Variants in FECH observed in about 807,000 individuals in gnomAD.
FECH encodes the protein ferrochelatase, mitochondrial.
A neutral mutation model predicts 56.9 loss-of-function variants in FECH; 40 were observed. That is an observed-to-expected ratio of 0.70 (90% CI 0.55 to 0.92). FECH has a LOEUF of 0.92. Ranked by LOEUF, FECH falls within the 40% of genes least tolerant of loss-of-function variation. The pLI is 0.00. For missense variants in FECH, 431 were observed against 529.1 expected, an observed-to-expected ratio of 0.81 and a Z score of 1.82; for synonymous variants, 175 against 198.6, an observed-to-expected ratio of 0.88 and a Z score of 1.00.
rs1311830015 is a variant in FECH, at chr18:57,549,819, A to G, written c.*893T>C. The G allele has an allele frequency of 6.6e-6, 1 of 152,214 alleles. No individual in the cohort carries two copies. Among genetic ancestry groups the G allele is most frequent in the Non-Finnish European group, 1.5e-5 (1 of 68,030 alleles). 9.4% of individuals were successfully genotyped at this position (152,214 alleles called of 1,614,324 possible). A position where few individuals can be genotyped will look rare whatever the true frequency, so the allele number is the denominator to read the frequency against. On this transcript the variant is annotated 3_prime_UTR_variant, in exon 11 of 11. Transcript: ENST00000262093. The stretch of plus-strand genomic sequence containing the variant: ...CAAGCAAAGTATTGTTGACTTTATA[A>G]AATAATTCTTAAAACAAATGTTCAG...
intron 7 of FECH, among the ~76,000 whole-genome samples, chr18:57,556,582 A>G (rs2050870076): frequency 6.6e-6 from 1 of 152,108 alleles, no homozygotes; most frequent in African/African-American, 2.4e-5. Flanking sequence ...GACGCACCAG[A>G]AAACAACTGA....
Position 57,546,261 on chromosome 18 carries a change from C to T in FECH, c.*4451G>A, listed in dbSNP as rs922778937. On this transcript the variant is annotated 3_prime_UTR_variant, in exon 11 of 11. Coordinates refer to ENST00000262093, the MANE Select transcript of FECH (RefSeq NM_000140.5). ...ATGCACCTGTGCCTTCACGTGCCCC[C>T]GTGCGCACACATAGACGTTCGCTTA... is the stretch of plus-strand genomic sequence containing the variant. Among the ~76,000 whole-genome samples, 6 of 152,176 alleles carry T rather than the reference C, an allele frequency of 3.9e-5. No individual in the cohort carries two copies. Among genetic ancestry groups the T allele is most frequent in the Non-Finnish European group, 5.9e-5 (4 of 68,036 alleles).
rs1278563735 is a variant in FECH, at chr18:57,566,438, T to C, written c.598+9A>G. 1.2e-6 allele frequency: 2 copies of C among 1,614,070 alleles called. No homozygotes were observed. Among genetic ancestry groups the C allele is most frequent in the Admixed American group, 1.7e-5 (1 of 60,006 alleles). On this transcript the variant is annotated intron_variant, in intron 5 of 10. Transcript: ENST00000262093. The stretch of plus-strand genomic sequence containing the variant: ...ATCTACCTTTCCACTGTCAGAGAGA[T>C]GCCCTTACCTGTGGTGGAGCAGCTG...
chr18:57,569,230 T>G (rs555795847), intron 4 of FECH, among the ~76,000 whole-genome samples: 1 of 152,238 alleles, frequency 6.6e-6, no homozygotes, highest in Non-Finnish European at 1.5e-5. Flanking sequence ...TATTTCTGTA[T>G]CTATTCTCTA....
At chr18:57,584,004 C>A (rs1489342787) in intron 1 of FECH, among the ~76,000 whole-genome samples, 1 of 151,976 alleles carries the variant, frequency 6.6e-6, no homozygotes, top group Admixed American at 6.6e-5. Context: ...CACAGTGAAA[C>A]CCATCTCTAC....
intron 1 of FECH, among the ~76,000 whole-genome samples, chr18:57,580,461 G>A (rs983824668): frequency 1.3e-5 from 2 of 151,950 alleles, no homozygotes; most frequent in Non-Finnish European, 2.9e-5. Context: ...TCCCCACCTC[G>A]GCTGCAGATT....
chr18:57,550,379 A>G lies in FECH; in HGVS notation c.*333T>C. On this transcript the variant is annotated 3_prime_UTR_variant, in exon 11 of 11. Transcript: ENST00000262093. ...AGGGGACTCTCCGTACCCTTTCAGG[A>G]GGGTTTTGGGCAATAAAGCCAAAAT... 3.3e-6 allele frequency: 1 copy of G among 306,892 alleles called. No individual in the cohort carries two copies. The highest frequency in any genetic ancestry group is 3.5e-5 in the South Asian group (1 of 28,706). The allele number at this position is 306,892 out of a possible 1,614,324, so 19.0% of individuals were successfully genotyped here.
intron 4 of FECH, among the ~76,000 whole-genome samples, chr18:57,570,032 CGTGTGTGTGTGTGTGTGTGT>C (rs10608112): frequency 2.4e-5 from 3 of 122,764 alleles, no homozygotes; most frequent in Non-Finnish European, 3.6e-5. Flanking sequence ...TTGTTGTTGT[CGTGTGTGTGTGTGTGTGTGT>C]GTGTGTGTGT....
At position 57,546,885 on chromosome 18, in the gene FECH, A is replaced by C. The variant is rs1431113170; in HGVS notation, c.*3827T>G. Among the ~76,000 whole-genome samples the C allele has an allele frequency of 6.6e-6, 1 of 151,680 alleles. No individual in the cohort carries two copies. Among genetic ancestry groups the C allele is most frequent in the Non-Finnish European group, 1.5e-5 (1 of 67,936 alleles). On this transcript the variant is annotated 3_prime_UTR_variant, in exon 11 of 11. Coordinates refer to ENST00000262093, the MANE Select transcript of FECH (RefSeq NM_000140.5). ...TGAGGCAGGATGATCCTTTGAACCC[A>C]AGAGGCGGAGGTTGCAGTGAGCCGA...
Position 57,548,116 on chromosome 18 carries a change from G to C in FECH, c.*2596C>G, listed in dbSNP as rs577143275. Reference sequence around the variant, plus strand: ...AAATATAAAAAAGTAGCCCAGCGTGGTGAAGCACTCCTGTAGTCCCAGCTA... The same window carrying C: ...AAATATAAAAAAGTAGCCCAGCGTGCTGAAGCACTCCTGTAGTCCCAGCTA... On this transcript the variant is annotated 3_prime_UTR_variant, in exon 11 of 11. Coordinates refer to ENST00000262093, the MANE Select transcript of FECH (RefSeq NM_000140.5). Among the ~76,000 whole-genome samples the C allele has an allele frequency of 1.3e-5, 2 of 151,850 alleles. No individual in the cohort carries two copies. Among genetic ancestry groups the C allele is most frequent in the Non-Finnish European group, 1.5e-5 (1 of 67,964 alleles).
rs367564256 is a variant in FECH, at chr18:57,550,763, G to C, written c.1221C>G (p.Val407=). ...KQLTLSCPLC[V]NPVCRETKSF... ...ATTTAGTCTCCCTGCAGACAGGATTGACACAGAGCGGACAGCTCAGGGTCA... is the reference window on the plus strand; with the variant it reads ...ATTTAGTCTCCCTGCAGACAGGATTCACACAGAGCGGACAGCTCAGGGTCA... The change falls in exon 11 of 11, where the codon GTC becomes GTG. Residue 407 remains valine, a synonymous_variant. Transcript: ENST00000262093. The C allele has an allele frequency of 1.2e-6, 2 of 1,614,044 alleles. No individual in the cohort carries two copies. The highest frequency in any genetic ancestry group is 2.7e-5 in the African/African-American group (2 of 74,936).
chr18:57,559,123 C>T, intron 7 of FECH, 22 bp downstream of exon 7: 2 of 1,499,086 alleles, frequency 1.3e-6, no homozygotes, highest in Non-Finnish European at 1.9e-6. Flanking sequence ...ACTAGGTCAT[C>T]CCAGAAAATG....
rs113125690 is a variant in FECH at position 57,569,837 on chromosome 18, C to CT, written c.463+1554dup. Among the ~76,000 whole-genome samples, 402 of 143,958 alleles carry CT rather than the reference C, an allele frequency of 2.8e-3. 2 individuals are homozygous for CT. The highest frequency in any genetic ancestry group is 7.6e-3 in the African/African-American group (299 of 39,414). The allele number at this position is 143,958 out of a possible 152,430, so 94.4% of individuals were successfully genotyped here. On this transcript the variant is annotated intron_variant, in intron 4 of 10. Transcript: ENST00000262093. Reference sequence around the variant, plus strand: ...TTGCAAATCTGGTTCATAATAAAACCTTTTTTTTTTTTTTGAGACAGGGTC... The same window carrying CT: ...TTGCAAATCTGGTTCATAATAAAACCTTTTTTTTTTTTTTTGAGACAGGGTC...
chr18:57,556,022 AG>A (rs2050862740), intron 7 of FECH, among the ~76,000 whole-genome samples: 1 of 152,316 alleles, frequency 6.6e-6, no homozygotes, highest in African/African-American at 2.4e-5. Flanking sequence ...CCAGCTACTC[AG>A]GAGGCTGAGG....
intron 6 of FECH, among the ~76,000 whole-genome samples, chr18:57,562,041 G>A (rs1224002822): frequency 6.6e-6 from 1 of 152,202 alleles, no homozygotes; most frequent in Non-Finnish European, 1.5e-5. Flanking sequence ...AGTGGTCACA[G>A]ATTTAAATGA....
rs905014013 is a variant in FECH at position 57,550,654 on chromosome 18, A to T, written c.*58T>A. The T allele has an allele frequency of 1.1e-5, 18 of 1,609,452 alleles. No homozygotes were observed. The highest frequency in any genetic ancestry group is 1.5e-5 in the Non-Finnish European group (18 of 1,176,816). ...GATCTCTAAATAACACCCTCTCCAC[A>T]TCGGAGGTATCTGGAGGTTGGGCAT... On this transcript the variant is annotated 3_prime_UTR_variant, in exon 11 of 11. Coordinates refer to ENST00000262093, the MANE Select transcript of FECH (RefSeq NM_000140.5).
chr18:57,561,669 G>C (rs1261358393), intron 6 of FECH, among the ~76,000 whole-genome samples: 1 of 152,142 alleles, frequency 6.6e-6, no homozygotes, highest in Non-Finnish European at 1.5e-5. Context: ...CCTTTTCAAA[G>C]GGCTGAATTT....
At chr18:57,551,486 A>G in intron 9 of FECH, 112 bp from the exon 10 acceptor site, 1 of 821,980 alleles carries the variant, frequency 1.2e-6, no homozygotes, top group East Asian at 2.7e-5. Flanking sequence ...CACACAATTC[A>G]AAGTCTGACT....
intron 5 of FECH, 103 bp from the exon 6 acceptor site, chr18:57,563,083 T>A (rs2050967109): frequency 1.2e-6 from 1 of 854,164 alleles, no homozygotes; most frequent in African/African-American, 1.7e-5. Flanking sequence ...AGGTAACTGC[T>A]TCTTTACTGA....
Sources: allele counts gnomAD v4.1 joint callset (sites outside exome capture counted in the v4.1 genomes callset), GRCh38; gene constraint gnomAD v4.1.1; transcripts MANE v1.5; gene names NCBI Gene and HGNC (gene_info 2026-07-23, HGNC 2026-07-21).